CHMP3: variants seen among roughly 807,000 people sequenced by gnomAD.
CHMP3 encodes 25.1 protein.
CHMP3 carries 8 observed loss-of-function variants against 27.4 expected under a neutral mutation model. The ratio of observed to expected loss-of-function variants is 0.29; its 90% CI spans 0.17 to 0.53. The LOEUF (loss-of-function observed/expected upper bound fraction) is 0.53, where lower values mean the gene tolerates loss of function less well. CHMP3 is among the 20% of genes least tolerant of loss of function. The pLI, the probability that CHMP3 is intolerant of heterozygous loss-of-function variation, is 0.96. For missense variants in CHMP3, 208 were observed against 271.5 expected (o/e 0.77, Z 1.64); for synonymous variants, 86 against 85.5 (o/e 1.01, Z -0.03).
In CHMP3 at chr2:86,504,848, TAA is replaced by T. The variant is rs1258260841; in HGVS notation, c.*954_*955del. The stretch of plus-strand genomic sequence containing the variant: ...CAAACTGAGCTGTTTTCCTTATTTG[TAA>T]AGACTAAGATCGCGTATGTCAAAGA... On this transcript the variant is annotated 3_prime_UTR_variant, in exon 6 of 6. Transcript: ENST00000263856. 6.6e-6 allele frequency: 1 copy of T among 152,224 alleles called. No individual in the cohort carries two copies. Among genetic ancestry groups the T allele is most frequent in the Non-Finnish European group, 1.5e-5 (1 of 68,048 alleles). 9.4% of individuals were successfully genotyped at this position (152,224 alleles called of 1,614,324 possible).
intron 3 of CHMP3, among the ~76,000 whole-genome samples, chr2:86,527,613 A>C (rs1217278537): frequency 6.6e-6 from 1 of 152,204 alleles, no homozygotes; most frequent in African/African-American, 2.4e-5. Flanking sequence ...TGATATATCC[A>C]GTATTTCAAG....
intron 3 of CHMP3, among the ~76,000 whole-genome samples, chr2:86,525,232 C>T (rs921992316): frequency 6.6e-6 from 1 of 152,086 alleles, no homozygotes; most frequent in African/African-American, 2.4e-5. Flanking sequence ...TTCCCAATGC[C>T]TATAATTGTA....
chr2:86,547,866 T>G (rs1676672842), intron 1 of CHMP3, among the ~76,000 whole-genome samples: 1 of 152,192 alleles, frequency 6.6e-6, no homozygotes, highest in African/African-American at 2.4e-5. Flanking sequence ...ACAATATATT[T>G]GAAAACCACA....
intron 1 of CHMP3, among the ~76,000 whole-genome samples, chr2:86,551,335 C>T (rs1432378464): frequency 6.6e-6 from 1 of 150,952 alleles, no homozygotes; most frequent in East Asian, 2.0e-4. Flanking sequence ...CGGCTCACTG[C>T]AACCTCTGCC....
intron 3 of CHMP3, among the ~76,000 whole-genome samples, chr2:86,513,000 T>A (rs115776991): frequency 0.013 from 1,953 of 152,330 alleles, 37 homozygotes; most frequent in South Asian, 0.022. Flanking sequence ...GCAAGTGTGC[T>A]CCTTGGTAGT....
rs1216872800 is a variant in CHMP3 at position 86,510,407 on chromosome 2, A to G, written c.359T>C (p.Ile120Thr). ...VMKAMQSLVK[I>T]PEIQATMREL... Reference sequence around the variant, plus strand: ...CCTCATGGTGGCCTGAATCTCTGGAATCTTCACAAGACTTTGCATGGCCTT... The same window carrying G: ...CCTCATGGTGGCCTGAATCTCTGGAGTCTTCACAAGACTTTGCATGGCCTT... The change falls in exon 4 of 6, where the codon ATT (isoleucine) becomes ACT (threonine). Residue 120 changes from isoleucine (I) to threonine (T), a missense_variant. This residue lies in a region of CHMP3 where 94 missense variants were observed against 159.6 expected (regional missense o/e 0.59). Coordinates refer to ENST00000263856, the MANE Select transcript of CHMP3 (RefSeq NM_016079.4). 6.2e-7 allele frequency: 1 copy of G among 1,614,108 alleles called. No homozygotes were observed. The highest frequency in any genetic ancestry group is 1.1e-5 in the South Asian group (1 of 91,088).
intron 1 of CHMP3, among the ~76,000 whole-genome samples, chr2:86,550,464 G>A (rs558097598): frequency 2.5e-4 from 38 of 151,188 alleles, no homozygotes; most frequent in Non-Finnish European, 4.3e-4. Context: ...GAGAGAGAGG[G>A]GAGTTCTTAA....
intron 3 of CHMP3, among the ~76,000 whole-genome samples, chr2:86,523,852 A>T (rs2103926847): frequency 6.6e-6 from 1 of 152,332 alleles, no homozygotes; most frequent in African/African-American, 2.4e-5. Flanking sequence ...AACGAGGAAG[A>T]ATGGAATGAT....
intron 1 of CHMP3, among the ~76,000 whole-genome samples, chr2:86,558,644 C>T (rs1461920844): frequency 6.6e-6 from 1 of 152,196 alleles, no homozygotes. Flanking sequence ...CACCTGGCCT[C>T]TGCTTATCCT....
chr2:86,525,585 G>A (rs1425823320), intron 3 of CHMP3, among the ~76,000 whole-genome samples: 4 of 151,164 alleles, frequency 2.6e-5, no homozygotes, highest in Admixed American at 6.6e-5. Flanking sequence ...GGATTCCCTC[G>A]GCAAGGACAT....
rs1674791570 is a variant in CHMP3 at position 86,503,914 on chromosome 2, A to C, written c.*1890T>G. On this transcript the variant is annotated 3_prime_UTR_variant, in exon 6 of 6. Coordinates refer to ENST00000263856, the MANE Select transcript of CHMP3 (RefSeq NM_016079.4). ...AATAACATGGACACAAAGGAATAAC[A>C]TACTGGGGCCTACCTGAGGGTGGAG... The C allele has an allele frequency of 6.6e-6, 1 of 152,230 alleles. No homozygotes were observed. Among genetic ancestry groups the C allele is most frequent in the Admixed American group, 6.5e-5 (1 of 15,280 alleles). The allele number at this position is 152,230 out of a possible 1,614,324, so 9.4% of individuals were successfully genotyped here. A position where few individuals can be genotyped will look rare whatever the true frequency, so the allele number is the denominator to read the frequency against.
intron 2 of CHMP3, among the ~76,000 whole-genome samples, chr2:86,536,306 T>C (rs1676140102): frequency 6.7e-6 from 1 of 149,312 alleles, no homozygotes. Flanking sequence ...CCTAAACCTT[T>C]CTAATTGTCC....
intron 3 of CHMP3, chr2:86,512,666 G>A (rs954030080): frequency 2.6e-5 from 4 of 152,076 alleles, no homozygotes; most frequent in African/African-American, 4.8e-5. Flanking sequence ...CAAAAAACTC[G>A]TAAAACTCAA....
chr2:86,510,277 C>CCCCCACAA, intron 4 of CHMP3, 81 bp downstream of exon 4: 4 of 1,118,942 alleles, frequency 3.6e-6, no homozygotes, highest in Non-Finnish European at 5.2e-6. Flanking sequence ...CATCCCCACC[C>CCCCCACAA]ACCCTCATCC....
intron 3 of CHMP3, among the ~76,000 whole-genome samples, chr2:86,517,960 A>G (rs567110301): frequency 6.6e-6 from 1 of 152,248 alleles, no homozygotes; most frequent in East Asian, 1.9e-4. Flanking sequence ...GGTTGAGGCT[A>G]TGAGAGCCAT....
intron 2 of CHMP3, 103 bp downstream of exon 2, chr2:86,542,149 G>T: frequency 1.7e-6 from 2 of 1,201,206 alleles, no homozygotes; most frequent in African/African-American, 1.5e-5. Context: ...ACTGATATAG[G>T]AATAAACTAT....
chr2:86,535,748 C>A (rs914562418), intron 2 of CHMP3, among the ~76,000 whole-genome samples: 6 of 152,112 alleles, frequency 3.9e-5, no homozygotes, highest in African/African-American at 1.2e-4. Context: ...TTAGGTGATC[C>A]GCCCACCTTG....
At chr2:86,556,217 T>C (rs558306872) in intron 1 of CHMP3, among the ~76,000 whole-genome samples, 10 of 152,176 alleles carry the variant, frequency 6.6e-5, no homozygotes, top group Non-Finnish European at 1.5e-4. Flanking sequence ...TTCCCTCCCA[T>C]TTTTGACCCT....
At chr2:86,538,812 T>C (rs1676244919) in intron 2 of CHMP3, among the ~76,000 whole-genome samples, 1 of 152,210 alleles carries the variant, frequency 6.6e-6, no homozygotes, top group African/African-American at 2.4e-5. Flanking sequence ...TAGAACTCCC[T>C]ATAGTTATAT....
Sources: gnomAD v4.1 joint callset for allele counts (sites outside exome capture counted in the v4.1 genomes callset) on GRCh38, gnomAD v4.1.1 for gene constraint, gnomAD v4.1.1 regional missense constraint, MANE v1.5 for transcripts, NCBI Gene and HGNC (gene_info 2026-07-23, HGNC 2026-07-21) for gene names.